Variants in JAKMIP3 observed in about 807,000 individuals in gnomAD.
JAKMIP3 encodes janus kinase and microtubule-interacting protein 3.
JAKMIP3 carries 58 observed loss-of-function variants against 118.5 expected under a neutral mutation model. The ratio of observed to expected loss-of-function variants is 0.49; its 90% CI spans 0.40 to 0.61. JAKMIP3 has a LOEUF of 0.61. JAKMIP3 is among the 20% of genes least tolerant of loss of function. JAKMIP3 has a pLI of 0.00. For missense variants in JAKMIP3, 950 were observed against 1,109.0 expected, an observed-to-expected ratio of 0.86 and a Z score of 2.04; for synonymous variants, 486 against 451.2, an observed-to-expected ratio of 1.08 and a Z score of -0.98.
intron 1 of JAKMIP3, among the ~76,000 whole-genome samples, chr10:132,056,345 G>A (rs781301314): frequency 3.3e-5 from 5 of 152,136 alleles, no homozygotes; most frequent in East Asian, 1.9e-4. Flanking sequence ...TGGTTTAATC[G>A]CAAGCTGTGA....
intron 1 of JAKMIP3, among the ~76,000 whole-genome samples, chr10:132,077,341 C>G (rs761863962): frequency 2.6e-5 from 4 of 152,260 alleles, no homozygotes; most frequent in Middle Eastern, 6.8e-3. Context: ...GTCTTCTGCT[C>G]TCTCTCAGCC....
chr10:132,151,308 C>T (rs956886644), intron 16 of JAKMIP3, among the ~76,000 whole-genome samples: 1 of 152,198 alleles, frequency 6.6e-6, no homozygotes, highest in Non-Finnish European at 1.5e-5. Context: ...TCCATCCATC[C>T]ATCTATCCAT....
At chr10:132,064,798 G>A (rs142907116), upstream of JAKMIP3, among the ~76,000 whole-genome samples, 60 of 152,232 alleles carry the variant, frequency 3.9e-4, no homozygotes, top group African/African-American at 1.4e-3. This position sits in a 1 kb window ranked among gnomAD's most constrained non-coding sequence, Gnocchi z 4.4. Flanking sequence ...GAAGTAACCC[G>A]AAGTCCTGGC....
intron 2 of JAKMIP3, among the ~76,000 whole-genome samples, chr10:132,109,353 G>T (rs1217804090): frequency 6.6e-6 from 1 of 152,102 alleles, no homozygotes; most frequent in Non-Finnish European, 1.5e-5. Context: ...AAAAGATTGT[G>T]TGCACACAGA....
upstream of JAKMIP3, among the ~76,000 whole-genome samples, chr10:132,060,284 C>T (rs189100853): frequency 5.9e-5 from 9 of 152,106 alleles, no homozygotes; most frequent in African/African-American, 1.9e-4. Flanking sequence ...ACTGCCCGGC[C>T]GGGAGGTGAT....
At chr10:132,095,215 A>T (rs2043686009) in intron 1 of JAKMIP3, among the ~76,000 whole-genome samples, 1 of 152,084 alleles carries the variant, frequency 6.6e-6, no homozygotes, top group South Asian at 2.1e-4. Context: ...CACTGGATTC[A>T]CACCCTCCCC....
In JAKMIP3 at chr10:132,051,330, G is replaced by A. The variant is rs111957863; in HGVS notation, c.-138+14592G>A. 3.6e-4 allele frequency among the ~76,000 whole-genome samples: 50 copies of A among 139,876 alleles called. 2 individuals carry two copies. The highest frequency in any genetic ancestry group is 1.9e-3 in the South Asian group (8 of 4,210). 91.8% of individuals were successfully genotyped at this position (139,876 alleles called of 152,430 possible). On this transcript the variant is annotated intron_variant, in intron 1 of 23. Transcript: ENST00000657785. The stretch of plus-strand genomic sequence containing the variant: ...GGTACCTGCCTGTCTTTCCTGGCAC[G>A]GTTGGTCTTGTTAATTCCAGCTGTT...
At chr10:132,134,983 C>A in intron 4 of JAKMIP3, 58 bp from the exon 5 acceptor site, 1 of 1,592,738 alleles carries the variant, frequency 6.3e-7, no homozygotes. Context: ...CTGGGATTTG[C>A]AAAGGCTTCC....
intron 1 of JAKMIP3, among the ~76,000 whole-genome samples, chr10:132,079,685 T>C (rs7096952): frequency 0.26 from 40,231 of 152,172 alleles, 5,495 homozygotes; most frequent in Middle Eastern, 0.4. Context: ...GTGAAACCAA[T>C]ATCCAGAACT....
At chr10:132,076,249 A>G (rs2040769803) in intron 1 of JAKMIP3, among the ~76,000 whole-genome samples, 1 of 152,110 alleles carries the variant, frequency 6.6e-6, no homozygotes, top group South Asian at 2.1e-4. Flanking sequence ...ACATAAATGG[A>G]ATCATACACT....
intron 1 of JAKMIP3, among the ~76,000 whole-genome samples, chr10:132,070,237 T>A (rs2039622018): frequency 6.6e-6 from 1 of 152,114 alleles, no homozygotes; most frequent in Non-Finnish European, 1.5e-5. Flanking sequence ...AACCTCTGCC[T>A]CCTTGGTTCA....
rs1045702451 is a variant in JAKMIP3 at position 132,148,454 on chromosome 10, T to TGCCCGTCCTCCATCC, written c.1848+420_1848+434dup. ...GGAGCTGGCACGTCCGTCCTCCATC[T>TGCCCGTCCTCCATCC]GCCCGTCCTCCATCCGCCCGTCCTC... is the stretch of plus-strand genomic sequence containing the variant. On this transcript the variant is annotated intron_variant, in intron 14 of 23. Transcript: ENST00000684848. Among the ~76,000 whole-genome samples, 18 of 148,470 alleles carry TGCCCGTCCTCCATCC rather than the reference T, an allele frequency of 1.2e-4. No individual in the cohort carries two copies. The South Asian group carries it at 2.2e-3, about 18-fold the overall frequency.
At chr10:132,115,872 C>T (rs1302539333) in intron 2 of JAKMIP3, among the ~76,000 whole-genome samples, 3 of 152,268 alleles carry the variant, frequency 2.0e-5, no homozygotes, top group Admixed American at 6.5e-5. Flanking sequence ...CCCACTGGAG[C>T]CGTGAATATT....
intron 21 of JAKMIP3, 46 bp downstream of exon 21, chr10:132,164,781 G>A: frequency 7.4e-7 from 1 of 1,352,248 alleles, no homozygotes; most frequent in South Asian, 1.2e-5. Context: ...GATCAAGGGA[G>A]AGGAACCCGG....
intron 1 of JAKMIP3, among the ~76,000 whole-genome samples, chr10:132,088,023 C>T (rs1005342922): frequency 6.6e-6 from 1 of 152,000 alleles, no homozygotes; most frequent in Non-Finnish European, 1.5e-5. Context: ...CATGTCCCTA[C>T]GAAGGACATG....
chr10:132,151,923 C>A (rs2056291005), intron 16 of JAKMIP3, among the ~76,000 whole-genome samples: 1 of 152,232 alleles, frequency 6.6e-6, no homozygotes, highest in Admixed American at 6.5e-5. Flanking sequence ...GCCCTTCAAG[C>A]CTGGCTGTGC....
chr10:132,148,491 A>AGG (rs2055135564), intron 14 of JAKMIP3, among the ~76,000 whole-genome samples: 1 of 94,118 alleles, frequency 1.1e-5, no homozygotes, highest in Non-Finnish European at 2.5e-5. Context: ...ATCCACCCCC[A>AGG]AGGAGCCGGC....
intron 23 of JAKMIP3, among the ~76,000 whole-genome samples, chr10:132,180,667 G>GCGCC (rs2061004564): frequency 2.8e-5 from 1 of 35,562 alleles, no homozygotes; most frequent in African/African-American, 1.3e-4. Flanking sequence ...GCGTGTGTGC[G>GCGCC]TGTGTGTGCG....
chr10:132,057,378 A>G (rs1274108632), intron 1 of JAKMIP3, among the ~76,000 whole-genome samples: 1 of 152,198 alleles, frequency 6.6e-6, no homozygotes, highest in Non-Finnish European at 1.5e-5. Flanking sequence ...AAGAGGCCTC[A>G]TGTCCTGTGG....
Sources: allele counts gnomAD v4.1 joint callset (sites outside exome capture counted in the v4.1 genomes callset), GRCh38; gene constraint gnomAD v4.1.1; non-coding constraint Gnocchi (gnomAD v3.1); transcripts MANE v1.5; gene names NCBI Gene and HGNC (gene_info 2026-07-23, HGNC 2026-07-21).